Variants in PRKN observed in about 807,000 individuals in gnomAD.
PRKN encodes the protein E3 ubiquitin-protein ligase parkin.
A neutral mutation model predicts 59.5 loss-of-function variants in PRKN; 56 were observed. The observed-to-expected ratio is 0.94, with a 90% CI of 0.76 to 1.18. The LOEUF is 1.18. Ranked by LOEUF, PRKN falls within the 50% of genes most tolerant of loss-of-function variation. The probability of loss-of-function intolerance (pLI) is 0.00; values close to 1 mark genes in which losing one functional copy is unlikely to be tolerated. For synonymous variants in PRKN, 250 were observed against 222.1 expected (o/e 1.13, Z -1.12); for missense variants, 657 against 596.4 (o/e 1.10, Z -1.06).
At chr6:162,590,769 G>A (rs991370426) in intron 1 of PRKN, among the ~76,000 whole-genome samples, 2 of 152,034 alleles carry the variant, frequency 1.3e-5, no homozygotes, top group African/African-American at 2.4e-5. Flanking sequence ...GTGAATTGGT[G>A]AAAAAACAAA....
intron 9 of PRKN, among the ~76,000 whole-genome samples, chr6:161,392,764 T>A (rs1225223000): frequency 3.2e-5 from 3 of 92,570 alleles, no homozygotes; most frequent in Non-Finnish European, 6.2e-5. Context: ...TAAAAGGAGG[T>A]ATAGAATAAA....
At chr6:162,432,425 C>A (rs1789581313) in intron 2 of PRKN, among the ~76,000 whole-genome samples, 1 of 152,074 alleles carries the variant, frequency 6.6e-6, no homozygotes, top group Non-Finnish European at 1.5e-5. Context: ...ACTAGCAGGG[C>A]TGAGGCAGGA....
At chr6:161,610,018 A>AT (rs952516215) in intron 7 of PRKN, among the ~76,000 whole-genome samples, 1 of 152,212 alleles carries the variant, frequency 6.6e-6, no homozygotes, top group African/African-American at 2.4e-5. Flanking sequence ...AGCAAAAAAA[A>AT]TTTTTTGAAT....
intron 2 of PRKN, among the ~76,000 whole-genome samples, chr6:162,285,034 G>A (rs2128107477): frequency 6.6e-6 from 1 of 152,284 alleles, no homozygotes; most frequent in Non-Finnish European, 1.5e-5. Context: ...AACAGACCAT[G>A]TGAAGGTACA....
At chr6:162,588,523 G>A (rs185678720) in intron 1 of PRKN, among the ~76,000 whole-genome samples, 6 of 151,992 alleles carry the variant, frequency 3.9e-5, no homozygotes, top group African/African-American at 7.2e-5. Flanking sequence ...TGCTTTGTGC[G>A]GTCCTGCTTT....
In PRKN at chr6:161,578,157, T is replaced by G. The variant is rs116141759; in HGVS notation, c.872-8741A>C. ...GGTATAAAAAAAGAAAAAGAGGAGG[T>G]GGCTTGGAATCAAAGAGGCCAAAGC... is the stretch of plus-strand genomic sequence containing the variant. On this transcript the variant is annotated intron_variant, in intron 7 of 11. Transcript: ENST00000366898. This position sits in a 1 kb window ranked among gnomAD's most constrained non-coding sequence, Gnocchi z 4.2. Among the ~76,000 whole-genome samples the G allele has an allele frequency of 7.5e-4, 113 of 151,636 alleles. No homozygotes were observed. The highest frequency in any genetic ancestry group is 2.6e-3 in the African/African-American group (108 of 41,330).
intron 1 of PRKN, among the ~76,000 whole-genome samples, chr6:162,552,750 C>T (rs1229413037): frequency 1.3e-5 from 2 of 151,928 alleles, no homozygotes; most frequent in African/African-American, 4.8e-5. Flanking sequence ...GTTTCTAAAG[C>T]CATGGGAATA....
chr6:161,874,832 G>A (rs192811215), intron 6 of PRKN, among the ~76,000 whole-genome samples: 34 of 19,930 alleles, frequency 1.7e-3, no homozygotes, highest in Admixed American at 2.3e-3. Context: ...TATATAAAAT[G>A]TATAATATAT....
intron 1 of PRKN, among the ~76,000 whole-genome samples, chr6:162,707,328 AC>A (rs1158471981): frequency 6.6e-6 from 1 of 152,198 alleles, no homozygotes; most frequent in Non-Finnish European, 1.5e-5. Context: ...CTTTTATTTT[AC>A]ACTTGTACTA....
At position 161,419,946 on chromosome 6, in the gene PRKN, G is replaced by A. The variant is rs981857485; in HGVS notation, c.1084-33069C>T. Among the ~76,000 whole-genome samples, 11 of 152,096 alleles carry A rather than the reference G, an allele frequency of 7.2e-5. No homozygotes were observed. The highest frequency in any genetic ancestry group is 1.6e-4 in the Non-Finnish European group (11 of 67,992). ...TGGCACGTAAAAGGCACTTGTTTAA[G>A]AACTTGATAAGGCTGGGCGTGGTGG... On this transcript the variant is annotated intron_variant, in intron 9 of 11. Coordinates refer to ENST00000366898, the MANE Select transcript of PRKN (RefSeq NM_004562.3). This position sits in a 1 kb window ranked among gnomAD's most constrained non-coding sequence, Gnocchi z 4.1.
intron 5 of PRKN, among the ~76,000 whole-genome samples, chr6:162,001,712 A>G (rs1782063062): frequency 6.6e-6 from 1 of 152,028 alleles, no homozygotes; most frequent in Non-Finnish European, 1.5e-5. Context: ...AAGAAATGAC[A>G]TTCTTGCATT....
At chr6:162,451,242 C>A (rs1489717449) in intron 1 of PRKN, among the ~76,000 whole-genome samples, 1 of 151,420 alleles carries the variant, frequency 6.6e-6, no homozygotes, top group Non-Finnish European at 1.5e-5. Context: ...TTTCAAAGAA[C>A]CATGAAAGTA....
At chr6:161,631,253 A>G (rs1783297654) in intron 7 of PRKN, among the ~76,000 whole-genome samples, 1 of 152,254 alleles carries the variant, frequency 6.6e-6, no homozygotes, top group Non-Finnish European at 1.5e-5. Flanking sequence ...TCTGAGAAAC[A>G]GTTTTCTGAT....
intron 6 of PRKN, among the ~76,000 whole-genome samples, chr6:161,921,341 A>C (rs1481123598): frequency 3.3e-5 from 5 of 152,138 alleles, no homozygotes; most frequent in Admixed American, 3.3e-4. Context: ...AATCCTCCTG[A>C]AGATCCTGCC....
intron 1 of PRKN, among the ~76,000 whole-genome samples, chr6:162,494,115 C>A (rs1262266612): frequency 6.6e-6 from 1 of 152,186 alleles, no homozygotes; most frequent in African/African-American, 2.4e-5. Context: ...TTCCCAGAAT[C>A]CCATTCTCTC....
chr6:161,624,653 T>A (rs751076296), intron 7 of PRKN, among the ~76,000 whole-genome samples: 1 of 152,234 alleles, frequency 6.6e-6, no homozygotes, highest in Non-Finnish European at 1.5e-5. Context: ...CTGTTTCCCA[T>A]AGGAATCGCA....
At chr6:162,628,314 T>C (rs1782977747) in intron 1 of PRKN, among the ~76,000 whole-genome samples, 1 of 152,076 alleles carries the variant, frequency 6.6e-6, no homozygotes, top group Non-Finnish European at 1.5e-5. Flanking sequence ...AAATCAATGA[T>C]AGAAGCTATA....
In PRKN at chr6:161,547,856, T is replaced by C. The variant is rs1779850510; in HGVS notation, c.1083+998A>G. Among the ~76,000 whole-genome samples the C allele has an allele frequency of 6.6e-6, 1 of 152,120 alleles. No homozygotes were observed. The highest frequency in any genetic ancestry group is 6.6e-5 in the Admixed American group (1 of 15,260). The stretch of plus-strand genomic sequence containing the variant: ...TTCTTTCCACTTAGGCACCATGGTA[T>C]CTCATTATTTTTCAACTTCCACTTC... On this transcript the variant is annotated intron_variant, in intron 9 of 11. Coordinates refer to ENST00000366898, the MANE Select transcript of PRKN (RefSeq NM_004562.3). This position sits in a 1 kb window ranked among gnomAD's most constrained non-coding sequence, Gnocchi z 4.0.
At chr6:162,517,158 T>G (rs952974803) in intron 1 of PRKN, among the ~76,000 whole-genome samples, 5 of 151,102 alleles carry the variant, frequency 3.3e-5, no homozygotes, top group African/African-American at 4.9e-5. Flanking sequence ...GTGGGGAGCT[T>G]TAAAACTCTT....
Sources: gnomAD v4.1 joint callset for allele counts (sites outside exome capture counted in the v4.1 genomes callset) on GRCh38, gnomAD v4.1.1 for gene constraint, Gnocchi (gnomAD v3.1) non-coding constraint, MANE v1.5 for transcripts, NCBI Gene and HGNC (gene_info 2026-07-23, HGNC 2026-07-21) for gene names.